SYT17: variants seen among roughly 807,000 people sequenced by gnomAD.
SYT17 encodes synaptotagmin 17.
Under a neutral mutation model 46.7 loss-of-function variants are expected in SYT17, and 22 were observed. The observed-to-expected ratio is 0.47, with a 90% confidence interval of 0.34 to 0.67. The LOEUF (loss-of-function observed/expected upper bound fraction) is 0.67. Ranked by LOEUF, SYT17 falls within the 30% of genes least tolerant of loss-of-function variation. The probability of loss-of-function intolerance (pLI) is 0.01; values close to 1 mark genes in which losing one functional copy is unlikely to be tolerated. For missense variants in SYT17, 519 were observed against 612.8 expected (o/e 0.85, Z 1.62); for synonymous variants, 251 against 248.4 (o/e 1.01, Z -0.10).
At chr16:19,179,571 C>T (rs898054591) in intron 3 of SYT17, among the ~76,000 whole-genome samples, 4 of 152,136 alleles carry the variant, frequency 2.6e-5, no homozygotes, top group Admixed American at 6.5e-5. Context: ...TCGGCCTCTA[C>T]GCATTTTATA....
At chr16:19,212,608 G>A (rs553717006) in intron 5 of SYT17, among the ~76,000 whole-genome samples, 4 of 152,296 alleles carry the variant, frequency 2.6e-5, no homozygotes, top group Non-Finnish European at 4.4e-5. Context: ...GCCACAGAGC[G>A]AGATTCCTGT....
At chr16:19,208,414 A>G (rs909724650) in intron 5 of SYT17, among the ~76,000 whole-genome samples, 4 of 152,174 alleles carry the variant, frequency 2.6e-5, no homozygotes, top group African/African-American at 7.2e-5. Context: ...ACTTACAATC[A>G]TGGTGGAAGG....
chr16:19,229,556 C>G (rs1966609518), intron 7 of SYT17, among the ~76,000 whole-genome samples: 1 of 152,130 alleles, frequency 6.6e-6, no homozygotes, highest in Non-Finnish European at 1.5e-5. Context: ...GCCCCACCTC[C>G]AACATTAGTG....
chr16:19,252,484 TATATATATAC>T (rs1968220212), intron 7 of SYT17, among the ~76,000 whole-genome samples: 1 of 7,702 alleles, frequency 1.3e-4, no homozygotes. Flanking sequence ...TATATATACA[TATATATATAC>T]ATATATATAT....
At chr16:19,240,843 A>G (rs1967049286) in intron 7 of SYT17, among the ~76,000 whole-genome samples, 1 of 151,926 alleles carries the variant, frequency 6.6e-6, no homozygotes, top group Non-Finnish European at 1.5e-5. Context: ...CTGGCACCCA[A>G]AGTCTGGAAG....
At chr16:19,172,171 G>GC (rs1964122449) in intron 1 of SYT17, 1 of 227,342 alleles carries the variant, frequency 4.4e-6, no homozygotes, top group African/African-American at 2.3e-5. Flanking sequence ...GCGGGGTGGG[G>GC]CCACAACAGG....
At chr16:19,189,200 C>T (rs1028601766) in intron 5 of SYT17, among the ~76,000 whole-genome samples, 6 of 152,034 alleles carry the variant, frequency 3.9e-5, no homozygotes, top group African/African-American at 7.2e-5. Flanking sequence ...ATAAGGACAC[C>T]GGACACCAGT....
At chr16:19,224,540 G>T in intron 6 of SYT17, 143 bp from the exon 7 acceptor site, 2 of 848,836 alleles carry the variant, frequency 2.4e-6, no homozygotes, top group East Asian at 5.3e-5. Context: ...CGGACTATGA[G>T]ATGAATGAAA....
At chr16:19,215,327 A>T (rs891822193) in intron 5 of SYT17, among the ~76,000 whole-genome samples, 3 of 152,198 alleles carry the variant, frequency 2.0e-5, no homozygotes, top group African/African-American at 7.2e-5. Flanking sequence ...ACAACAACAA[A>T]CCAGGAATGT....
chr16:19,191,270 C>T (rs574010409), intron 5 of SYT17, among the ~76,000 whole-genome samples: 5 of 152,178 alleles, frequency 3.3e-5, no homozygotes, highest in South Asian at 2.1e-4. Flanking sequence ...TTCCTAAATT[C>T]GTATGTTGAA....
At chr16:19,238,397 C>T (rs184403890) in intron 7 of SYT17, among the ~76,000 whole-genome samples, 186 of 152,286 alleles carry the variant, frequency 1.2e-3, no homozygotes, top group African/African-American at 4.0e-3. Context: ...TCTAGCCAGG[C>T]GGTCAGGAGA....
chr16:19,197,721 C>T (rs1184742181), intron 5 of SYT17, among the ~76,000 whole-genome samples: 2 of 152,160 alleles, frequency 1.3e-5, no homozygotes, highest in Non-Finnish European at 2.9e-5. Flanking sequence ...CCACCGTGAC[C>T]TGCCTCAACA....
intron 7 of SYT17, among the ~76,000 whole-genome samples, chr16:19,241,941 G>C (rs535570392): frequency 1.3e-5 from 2 of 152,170 alleles, no homozygotes; most frequent in African/African-American, 4.8e-5. Context: ...TGGCTGCTCC[G>C]GATGGCCCTT....
chr16:19,263,472 T>A (rs74662723), intron 7 of SYT17, among the ~76,000 whole-genome samples: 2,171 of 151,850 alleles, frequency 0.014, 49 homozygotes, highest in African/African-American at 0.049. Flanking sequence ...CAAAACCCTG[T>A]CTCTACTAAA....
intron 7 of SYT17, among the ~76,000 whole-genome samples, chr16:19,255,264 C>T (rs1968476853): frequency 6.6e-6 from 1 of 152,078 alleles, no homozygotes; most frequent in South Asian, 2.1e-4. Flanking sequence ...GAACTCCCAT[C>T]GTTGCTGCTT....
chr16:19,245,101 A>G (rs1967440895), intron 7 of SYT17, among the ~76,000 whole-genome samples: 1 of 152,162 alleles, frequency 6.6e-6, no homozygotes, highest in South Asian at 2.1e-4. Flanking sequence ...GGGGAATCTC[A>G]TGCCACCAAA....
At chr16:19,174,885 G>A (rs938915969) in intron 3 of SYT17, among the ~76,000 whole-genome samples, 3 of 152,172 alleles carry the variant, frequency 2.0e-5, no homozygotes, top group African/African-American at 7.2e-5. Flanking sequence ...GGGAGGCTGA[G>A]GGCAGGCGGA....
At chr16:19,185,416 G>A (rs1341866614) in intron 5 of SYT17, among the ~76,000 whole-genome samples, 1 of 151,950 alleles carries the variant, frequency 6.6e-6, no homozygotes, top group South Asian at 2.1e-4. Context: ...GTGAGACCCC[G>A]TCTCTACAAA....
At chr16:19,209,609 G>A (rs1965813699) in intron 5 of SYT17, among the ~76,000 whole-genome samples, 1 of 152,026 alleles carries the variant, frequency 6.6e-6, no homozygotes, top group Non-Finnish European at 1.5e-5. Flanking sequence ...GGTGGCTCAC[G>A]CCTGTAATCC....
Sources: gnomAD v4.1 joint callset for allele counts (sites outside exome capture counted in the v4.1 genomes callset) on GRCh38, gnomAD v4.1.1 for gene constraint, MANE v1.5 for transcripts, NCBI Gene and HGNC (gene_info 2026-07-23, HGNC 2026-07-21) for gene names.